ODF2: variants seen among roughly 807,000 people sequenced by gnomAD.
ODF2 encodes outer dense fiber of sperm tails 2, also known as outer dense fiber protein 2.
Under a neutral mutation model 110.2 loss-of-function variants are expected in ODF2, and 47 were observed. The observed-to-expected ratio is 0.43, with a 90% confidence interval of 0.34 to 0.54. The LOEUF is 0.54. Ranked by LOEUF, ODF2 falls within the 20% of genes least tolerant of loss-of-function variation. The pLI, the probability that ODF2 is intolerant of heterozygous loss-of-function variation, is 0.03. For missense variants in ODF2, 812 were observed against 1,054.5 expected (o/e 0.77, Z 3.19); for synonymous variants, 352 against 397.7 (o/e 0.89, Z 1.37).
intron 8 of ODF2, among the ~76,000 whole-genome samples, chr9:128,478,936 C>T (rs1054332254): frequency 2.6e-5 from 4 of 152,050 alleles, no homozygotes; most frequent in Admixed American, 1.3e-4. Flanking sequence ...TTAGTCTCCT[C>T]CTCTGAGATG....
chr9:128,466,364 G>A (rs1837900124), intron 4 of ODF2, among the ~76,000 whole-genome samples: 1 of 151,682 alleles, frequency 6.6e-6, no homozygotes, highest in South Asian at 2.1e-4. Flanking sequence ...CTACTTGGGA[G>A]GCTGAGGTGT....
upstream of ODF2, chr9:128,456,075 G>A (rs866237400): frequency 1.2e-5 from 18 of 1,524,238 alleles, no homozygotes; most frequent in South Asian, 3.7e-5. Context: ...GGCTCCCGGG[G>A]GGGTTTGAAC....
In ODF2 at chr9:128,469,040, G is replaced by T. The variant is rs898347215; in HGVS notation, c.250-143G>T. On this transcript the variant is annotated intron_variant, in intron 4 of 20. Coordinates refer to ENST00000604420, the Ensembl canonical transcript of ODF2. The stretch of plus-strand genomic sequence containing the variant: ...TGGATAGGTAATGTTCCATCACAAG[G>T]GTTCAGAGTATGTTCTTCCTGGGGT... 17 of 658,592 alleles carry T rather than the reference G, an allele frequency of 2.6e-5. No individual in the cohort carries two copies. In the South Asian group the frequency reaches 3.4e-4, roughly 13 times the overall value. The allele number at this position is 658,592 out of a possible 1,614,324, so 40.8% of individuals were successfully genotyped here.
intron 9 of ODF2, 130 bp from the exon 10 acceptor site, chr9:128,482,686 A>G: frequency 1.8e-6 from 1 of 562,736 alleles, no homozygotes. Flanking sequence ...TCCTACCAGA[A>G]TCTCTGACAT....
intron 8 of ODF2, 95 bp from the exon 9 acceptor site, chr9:128,481,485 A>AAT: frequency 9.8e-7 from 1 of 1,024,784 alleles, no homozygotes; most frequent in Non-Finnish European, 1.4e-6. Context: ...AAAAAAAAAA[A>AAT]ATACAATTTT....
At chr9:128,480,678 G>C (rs1159470040) in intron 8 of ODF2, among the ~76,000 whole-genome samples, 1 of 152,136 alleles carries the variant, frequency 6.6e-6, no homozygotes, top group Non-Finnish European at 1.5e-5. Flanking sequence ...TTAGCCGGGC[G>C]TGGTGGCAGT....
chr9:128,481,471 T>TAAA, intron 8 of ODF2, 109 bp from the exon 9 acceptor site: 120 of 668,192 alleles, frequency 1.8e-4, no homozygotes, highest in East Asian at 3.9e-4. Flanking sequence ...AGTAAGACTC[T>TAAA]AAAAAAAAAA....
At chr9:128,498,466 A>G in exon 19 of ODF2, 2 of 1,613,372 alleles carry the variant, frequency 1.2e-6, no homozygotes, top group South Asian at 2.2e-5. Flanking sequence ...GTGATTGCCA[A>G]GAGGGAGGAG....
chr9:128,474,505 A>AG (rs1158317720), intron 8 of ODF2, among the ~76,000 whole-genome samples: 9 of 150,468 alleles, frequency 6.0e-5, no homozygotes, highest in Non-Finnish European at 1.3e-4. Context: ...GGAAAAAAAA[A>AG]AATTAGTCAG....
intron 8 of ODF2, among the ~76,000 whole-genome samples, chr9:128,475,224 A>C (rs1841010263): frequency 6.6e-6 from 1 of 152,204 alleles, no homozygotes; most frequent in Admixed American, 6.5e-5. Context: ...GAGGTACACA[A>C]GTATATACAA....
In ODF2 at chr9:128,494,705, C is replaced by G. The variant is rs1313528243; in HGVS notation, c.1911+37C>G. On this transcript the variant is annotated intron_variant, in intron 17 of 20. Transcript: ENST00000604420. This position sits in a 1 kb window ranked among gnomAD's most constrained non-coding sequence, Gnocchi z 4.6. ...GCAGAAAGGGTCCCACGAACTGACC[C>G]GAGCAGGGGCCCGCATACCAAGATG... The G allele has an allele frequency of 1.2e-6, 2 of 1,614,116 alleles. No individual in the cohort carries two copies. Among genetic ancestry groups the G allele is most frequent in the Non-Finnish European group, 1.7e-6 (2 of 1,180,030 alleles).
At chr9:128,462,599 T>G (rs996999913) in intron 4 of ODF2, among the ~76,000 whole-genome samples, 2 of 151,130 alleles carry the variant, frequency 1.3e-5, no homozygotes, top group African/African-American at 4.9e-5. Context: ...GGATTTTGTT[T>G]TTTTGTTTTT....
intron 5 of ODF2, among the ~76,000 whole-genome samples, chr9:128,470,688 C>T (rs1374192030): frequency 6.6e-6 from 1 of 151,794 alleles, no homozygotes; most frequent in Non-Finnish European, 1.5e-5. Context: ...TTTGTGACAT[C>T]TCTCCTCCTA....
chr9:128,457,323 C>A (rs954010282), exon 2 of ODF2: 161 of 1,609,998 alleles, frequency 1.0e-4, no homozygotes, highest in Non-Finnish European at 1.3e-4. Context: ...TTGAGAGGCT[C>A]ATTGACAAGC....
At chr9:128,477,544 C>G (rs758332086) in intron 8 of ODF2, among the ~76,000 whole-genome samples, 8 of 151,872 alleles carry the variant, frequency 5.3e-5, no homozygotes, top group Non-Finnish European at 7.4e-5. Context: ...TAGACTGTCC[C>G]CCCAAAAAAT....
chr9:128,473,090 G>T, intron 7 of ODF2, 48 bp downstream of exon 7: 1 of 1,611,640 alleles, frequency 6.2e-7, no homozygotes, highest in Admixed American at 1.7e-5. Flanking sequence ...GCCTCGGGAG[G>T]GGGCAGCTGC....
In ODF2 at chr9:128,482,871, A is replaced by AAATACAAT; in HGVS notation, c.972_979dup (p.Cys327Ter). ...AAGGAGGTGGAAGAGCTCCTTCAGG[A>AAATACAAT]AATACAATGTGAGAAGGTAGTGTGC... On this transcript the variant is annotated frameshift_variant, in exon 10 of 21. Transcript: ENST00000604420. LOFTEE classifies it high-confidence loss of function. 6.2e-7 allele frequency: 1 copy of AAATACAAT among 1,606,840 alleles called. No individual in the cohort carries two copies. The highest frequency in any genetic ancestry group is 8.5e-7 in the Non-Finnish European group (1 of 1,175,390).
chr9:128,459,162 GTCAC>G (rs1444577557), intron 2 of ODF2, among the ~76,000 whole-genome samples: 1 of 152,040 alleles, frequency 6.6e-6, no homozygotes, highest in Non-Finnish European at 1.5e-5. Context: ...CTCTATTTTT[GTCAC>G]TCACTCACTG....
At chr9:128,490,156 C>T (rs567690838) in intron 14 of ODF2, among the ~76,000 whole-genome samples, 3 of 152,222 alleles carry the variant, frequency 2.0e-5, no homozygotes, top group African/African-American at 7.2e-5. Context: ...CCAGCAAGAC[C>T]CCATCTCTAC....
Sources: gnomAD v4.1 joint callset for allele counts (sites outside exome capture counted in the v4.1 genomes callset) on GRCh38, gnomAD v4.1.1 for gene constraint, Gnocchi (gnomAD v3.1) non-coding constraint, MANE v1.5 for transcripts, NCBI Gene and HGNC (gene_info 2026-07-23, HGNC 2026-07-21) for gene names.